PAPPA2: variants seen among roughly 807,000 people sequenced by gnomAD.
PAPPA2 encodes pappalysin-2.
In PAPPA2, 86 loss-of-function variants were observed where a neutral mutation model predicts 176.4. The ratio of observed to expected loss-of-function variants is 0.49; its 90% confidence interval spans 0.41 to 0.58. The LOEUF (loss-of-function observed/expected upper bound fraction) is 0.58, where lower values mean the gene tolerates loss of function less well. Ranked by LOEUF, PAPPA2 falls within the 20% of genes least tolerant of loss-of-function variation. The probability of loss-of-function intolerance (pLI) is 0.00; values close to 1 mark genes in which losing one functional copy is unlikely to be tolerated. For synonymous variants in PAPPA2, 809 were observed against 852.2 expected (o/e 0.95, Z 0.88); for missense variants, 2,073 against 2,256.9 (o/e 0.92, Z 1.65).
intron 3 of PAPPA2, among the ~76,000 whole-genome samples, chr1:176,628,726 A>G (rs151024642): frequency 6.6e-6 from 1 of 152,334 alleles, no homozygotes; most frequent in East Asian, 1.9e-4. Context: ...TCCTTTAAAA[A>G]CATAATCTTG....
intron 21 of PAPPA2, among the ~76,000 whole-genome samples, chr1:176,834,381 A>T (rs1667189623): frequency 6.6e-6 from 1 of 152,236 alleles, no homozygotes; most frequent in African/African-American, 2.4e-5. Context: ...CAAATGTGTC[A>T]TCATTGGGAC....
chr1:176,551,716 A>G (rs559832242), intron 1 of PAPPA2, among the ~76,000 whole-genome samples: 1 of 152,328 alleles, frequency 6.6e-6, no homozygotes, highest in South Asian at 2.1e-4. Context: ...ATTTGGGTTG[A>G]AATGAAGTGC....
chr1:176,597,493 A>G (rs1292988532), intron 3 of PAPPA2, among the ~76,000 whole-genome samples: 1 of 152,080 alleles, frequency 6.6e-6, no homozygotes, highest in Non-Finnish European at 1.5e-5. Context: ...ATGAGAACAC[A>G]TGGACACAGG....
chr1:176,516,274 C>CTT (rs201764654), intron 1 of PAPPA2, among the ~76,000 whole-genome samples: 161 of 140,822 alleles, frequency 1.1e-3, no homozygotes, highest in African/African-American at 3.9e-3. Flanking sequence ...GAGTTTAATT[C>CTT]TTTTTTTTTT....
chr1:176,686,104 G>A (rs1432717647), intron 4 of PAPPA2, among the ~76,000 whole-genome samples: 1 of 152,170 alleles, frequency 6.6e-6, no homozygotes, highest in Non-Finnish European at 1.5e-5. Flanking sequence ...GAAGAACAGT[G>A]TGAGACCCCT....
intron 3 of PAPPA2, among the ~76,000 whole-genome samples, chr1:176,596,319 C>T (rs1653980918): frequency 6.6e-6 from 1 of 152,182 alleles, no homozygotes; most frequent in Admixed American, 6.5e-5. Flanking sequence ...TCTACCTCTC[C>T]ATCACCACCT....
At chr1:176,624,260 T>A (rs1655882573) in intron 3 of PAPPA2, among the ~76,000 whole-genome samples, 1 of 152,212 alleles carries the variant, frequency 6.6e-6, no homozygotes, top group African/African-American at 2.4e-5. Context: ...TTAAAATTGC[T>A]GCACATCTGG....
chr1:176,465,678 T>C (rs1418199745), intron 1 of PAPPA2, among the ~76,000 whole-genome samples: 1 of 151,636 alleles, frequency 6.6e-6, no homozygotes, highest in Admixed American at 6.6e-5. Flanking sequence ...GGAGTACATG[T>C]GCAGGTTTGT....
intron 3 of PAPPA2, among the ~76,000 whole-genome samples, chr1:176,611,129 T>C (rs1238063275): frequency 2.0e-5 from 3 of 152,184 alleles, no homozygotes; most frequent in Admixed American, 6.5e-5. Flanking sequence ...CTAAGAATCA[T>C]TTATATGTTG....
intron 2 of PAPPA2, among the ~76,000 whole-genome samples, chr1:176,577,081 C>T (rs1285852483): frequency 6.6e-6 from 1 of 152,140 alleles, no homozygotes. Context: ...GCTCCCTGCA[C>T]TTCCCCCATT....
chr1:176,746,400 C>CTTTTTCTT (rs899438049), intron 14 of PAPPA2, among the ~76,000 whole-genome samples: 1 of 152,158 alleles, frequency 6.6e-6, no homozygotes, highest in South Asian at 2.1e-4. Context: ...TACTGTTTTT[C>CTTTTTCTT]TTTTTCTTTT....
intron 1 of PAPPA2, among the ~76,000 whole-genome samples, chr1:176,550,013 A>G (rs1650852747): frequency 6.6e-6 from 1 of 152,138 alleles, no homozygotes; most frequent in African/African-American, 2.4e-5. Context: ...TATTTCCCCA[A>G]CCTTCAGCCC....
At chr1:176,788,799 A>G (rs1338456186) in intron 17 of PAPPA2, among the ~76,000 whole-genome samples, 1 of 152,212 alleles carries the variant, frequency 6.6e-6, no homozygotes, top group Non-Finnish European at 1.5e-5. Flanking sequence ...CTTTCCAAGG[A>G]AAAATAAACT....
At chr1:176,653,701 G>A (rs1225992338) in intron 3 of PAPPA2, among the ~76,000 whole-genome samples, 1 of 151,510 alleles carries the variant, frequency 6.6e-6, no homozygotes. Flanking sequence ...TCTGGTTTAT[G>A]CCCAATACCT....
intron 2 of PAPPA2, among the ~76,000 whole-genome samples, chr1:176,573,023 T>G (rs1652443050): frequency 6.6e-6 from 1 of 152,182 alleles, no homozygotes; most frequent in Non-Finnish European, 1.5e-5. Flanking sequence ...GGGAAATTGG[T>G]GTGGTGCTGC....
At chr1:176,808,943 C>G (rs940078079) in intron 21 of PAPPA2, among the ~76,000 whole-genome samples, 6 of 152,068 alleles carry the variant, frequency 3.9e-5, no homozygotes, top group Non-Finnish European at 8.8e-5. Context: ...CCAGTGAGAA[C>G]AGAAGAGAAT....
At chr1:176,530,984 G>T (rs1439318479) in intron 1 of PAPPA2, among the ~76,000 whole-genome samples, 1 of 152,096 alleles carries the variant, frequency 6.6e-6, no homozygotes, top group African/African-American at 2.4e-5. Flanking sequence ...CCACATGAAA[G>T]TCTCATTAAG....
At chr1:176,685,999 CCTT>C (rs1158737652) in intron 4 of PAPPA2, among the ~76,000 whole-genome samples, 2 of 152,114 alleles carry the variant, frequency 1.3e-5, no homozygotes, top group Non-Finnish European at 2.9e-5. Context: ...AAAACCCACT[CCTT>C]AATAATGTGA....
intron 1 of PAPPA2, among the ~76,000 whole-genome samples, chr1:176,522,657 G>A (rs1649275662): frequency 6.6e-6 from 1 of 152,234 alleles, no homozygotes; most frequent in Admixed American, 6.5e-5. Flanking sequence ...TGTTAGGCAA[G>A]AGGAAAAGCA....
Sources: allele counts gnomAD v4.1 joint callset (sites outside exome capture counted in the v4.1 genomes callset), GRCh38; gene constraint gnomAD v4.1.1; transcripts MANE v1.5; gene names NCBI Gene and HGNC (gene_info 2026-07-23, HGNC 2026-07-21).